The following UBR3 variants were observed in gnomAD, a reference collection of about 807,000 sequenced individuals.
The protein encoded by UBR3 is E3 ubiquitin-protein ligase UBR3.
Under a neutral mutation model 243.2 loss-of-function variants are expected in UBR3, and 85 were observed. That is an observed-to-expected ratio of 0.35 (90% CI 0.29 to 0.42). UBR3 has a LOEUF of 0.42. UBR3 is among the 10% of genes least tolerant of loss of function. The pLI is 1.00. For missense variants in UBR3, 1,686 were observed against 2,300.8 expected (o/e 0.73, Z 5.47); for synonymous variants, 748 against 799.8 (o/e 0.94, Z 1.09).
intron 1 of UBR3, among the ~76,000 whole-genome samples, chr2:169,859,969 G>A (rs1482623599): frequency 2.0e-5 from 3 of 151,948 alleles, no homozygotes; most frequent in African/African-American, 7.2e-5. Context: ...CACCCGCCTC[G>A]GCCTCCCAAA....
intron 23 of UBR3, among the ~76,000 whole-genome samples, chr2:169,951,530 C>T (rs182513430): frequency 5.3e-5 from 8 of 152,200 alleles, no homozygotes. Context: ...CATAGTGTAA[C>T]AGATACTATC....
chr2:169,896,623 C>G lies in UBR3; in HGVS notation c.1353C>G (p.Phe451Leu). The G allele has an allele frequency of 6.4e-7, 1 of 1,551,280 alleles. No individual in the cohort carries two copies. Among genetic ancestry groups the G allele is most frequent in the South Asian group, 1.2e-5 (1 of 84,026 alleles). Reference protein sequence around the residue: ...NRIVHISVQLFSNEELARQVT... With the variant: ...NRIVHISVQLLSNEELARQVT... Reference sequence around the variant, plus strand: ...TTGTGCATATTAGTGTTCAGTTGTTCAGCAATGAGGAGCTAGCCAGACAGG... The same window carrying G: ...TTGTGCATATTAGTGTTCAGTTGTTGAGCAATGAGGAGCTAGCCAGACAGG... Residue 451 changes from phenylalanine (F) to leucine (L), a missense_variant, in exon 8 of 39, where the codon TTC (phenylalanine) becomes TTG (leucine). This residue lies in a region of UBR3 where 346 missense variants were observed against 585.8 expected (regional missense o/e 0.59). Transcript: ENST00000272793.
At chr2:170,065,081 G>T (rs951994757) in intron 35 of UBR3, among the ~76,000 whole-genome samples, 1 of 151,828 alleles carries the variant, frequency 6.6e-6, no homozygotes, top group Non-Finnish European at 1.5e-5. Flanking sequence ...GACCTCAGGC[G>T]ATCTGCCCGC....
At chr2:170,025,518 T>G (rs543131281) in intron 30 of UBR3, among the ~76,000 whole-genome samples, 1 of 152,192 alleles carries the variant, frequency 6.6e-6, no homozygotes, top group South Asian at 2.1e-4. Flanking sequence ...GGTTAAGAAA[T>G]AAACCTGAAA....
chr2:169,957,199 G>A (rs370298439), intron 23 of UBR3, among the ~76,000 whole-genome samples: 59 of 151,998 alleles, frequency 3.9e-4, no homozygotes, highest in African/African-American at 1.2e-3. Context: ...ATAATCTGAA[G>A]AAACCTGTCT....
chr2:169,876,711 T>A (rs1444788266), intron 3 of UBR3, among the ~76,000 whole-genome samples: 1 of 151,912 alleles, frequency 6.6e-6, no homozygotes, highest in Middle Eastern at 3.2e-3. Context: ...GTACCTGCCA[T>A]CATGCCCAGC....
rs143173407 is a variant in UBR3, at chr2:169,844,794, C to A, written c.545+16742C>A. 5.1e-3 allele frequency among the ~76,000 whole-genome samples: 779 copies of A among 152,266 alleles called. 7 individuals carry two copies. Among genetic ancestry groups the A allele is most frequent in the African/African-American group, 0.018 (734 of 41,554 alleles). On this transcript the variant is annotated intron_variant, in intron 1 of 38. Coordinates refer to ENST00000272793, the MANE Select transcript of UBR3 (RefSeq NM_172070.4). The stretch of plus-strand genomic sequence containing the variant: ...TACAGGTGGGAGCCATCGCGCCTGG[C>A]TGGCTTTTTATCACTTTTGTTACTT...
In UBR3 at chr2:169,883,134, G is replaced by A. The variant is rs937578399; in HGVS notation, c.1038+4560G>A. On this transcript the variant is annotated intron_variant, in intron 5 of 38. Coordinates refer to ENST00000272793, the MANE Select transcript of UBR3 (RefSeq NM_172070.4). Reference sequence around the variant, plus strand: ...TTAGGAACGTGAGAATGGCATCTGGGCAGTTCTTACTTTGGTCATCATATG... The same window carrying A: ...TTAGGAACGTGAGAATGGCATCTGGACAGTTCTTACTTTGGTCATCATATG... Among the ~76,000 whole-genome samples the A allele has an allele frequency of 3.3e-5, 5 of 152,294 alleles. No individual in the cohort carries two copies. The East Asian group carries it at 9.6e-4, about 29-fold the overall frequency.
chr2:169,961,271 A>G (rs1053181345), intron 24 of UBR3, among the ~76,000 whole-genome samples: 21 of 152,062 alleles, frequency 1.4e-4, no homozygotes, highest in Admixed American at 9.2e-4. Context: ...GGGATTGATA[A>G]TAGAGATTCT....
chr2:169,967,269 C>T (rs148630719), intron 24 of UBR3, among the ~76,000 whole-genome samples: 26,863 of 136,912 alleles, frequency 0.2, 2,983 homozygotes, highest in South Asian at 0.38. Flanking sequence ...CCCCCCGCCC[C>T]CCCCCACACA....
intron 1 of UBR3, among the ~76,000 whole-genome samples, chr2:169,834,861 G>C (rs2082036443): frequency 6.6e-6 from 1 of 152,196 alleles, no homozygotes; most frequent in African/African-American, 2.4e-5. Context: ...ACATTAGAAT[G>C]TTACAATGTA....
intron 31 of UBR3, among the ~76,000 whole-genome samples, chr2:170,037,650 A>C (rs937513813): frequency 4.6e-5 from 7 of 152,168 alleles, no homozygotes; most frequent in Non-Finnish European, 1.0e-4. Flanking sequence ...GGCCTCCCTA[A>C]GTGTTGGGAT....
At chr2:169,890,593 G>GTATATATA (rs72493218) in intron 5 of UBR3, among the ~76,000 whole-genome samples, 2 of 76,162 alleles carry the variant, frequency 2.6e-5, no homozygotes, top group African/African-American at 9.8e-5. Context: ...ATATATATAT[G>GTATATATA]TATATATATG....
intron 1 of UBR3, among the ~76,000 whole-genome samples, chr2:169,857,221 C>A (rs77578704): frequency 6.6e-6 from 1 of 150,822 alleles, no homozygotes; most frequent in South Asian, 2.1e-4. Context: ...CTTACAGGCA[C>A]GTGTCACCAT....
intron 24 of UBR3, among the ~76,000 whole-genome samples, chr2:169,962,749 CT>C (rs11355793): frequency 0.43 from 64,610 of 151,790 alleles, 15,301 homozygotes; most frequent in Non-Finnish European, 0.54. Flanking sequence ...TAGGGTGTTT[CT>C]TTTTTTTCTT....
intron 5 of UBR3, among the ~76,000 whole-genome samples, chr2:169,884,763 TAAG>T (rs61429775): frequency 0.057 from 8,693 of 152,210 alleles, 454 homozygotes; most frequent in African/African-American, 0.14. Flanking sequence ...GAAAGAAAGA[TAAG>T]AAGTTCCATC....
chr2:170,018,248 G>A (rs1184251255), intron 30 of UBR3, among the ~76,000 whole-genome samples: 2 of 151,942 alleles, frequency 1.3e-5, no homozygotes, highest in African/African-American at 4.8e-5. Context: ...TTGTTTGTTT[G>A]TTTTTGTTTT....
chr2:170,042,999 C>G (rs1262056052), intron 32 of UBR3, among the ~76,000 whole-genome samples: 1 of 152,006 alleles, frequency 6.6e-6, no homozygotes, highest in Non-Finnish European at 1.5e-5. Flanking sequence ...TTTTCTTAAT[C>G]TAGGGAAACA....
intron 13 of UBR3, among the ~76,000 whole-genome samples, chr2:169,924,733 A>G (rs528499239): frequency 6.6e-6 from 1 of 152,128 alleles, no homozygotes; most frequent in African/African-American, 2.4e-5. Context: ...GTTAGGAAAC[A>G]TAAAATTATG....
Sources: gnomAD v4.1 joint callset for allele counts (sites outside exome capture counted in the v4.1 genomes callset) on GRCh38, gnomAD v4.1.1 for gene constraint, gnomAD v4.1.1 regional missense constraint, MANE v1.5 for transcripts, NCBI Gene and HGNC (gene_info 2026-07-23, HGNC 2026-07-21) for gene names.